The following CNTNAP5 variants were observed in gnomAD, a reference collection of about 807,000 sequenced individuals.
CNTNAP5 encodes the protein contactin associated protein family member 5.
CNTNAP5 carries 72 observed loss-of-function variants against 150.2 expected under a neutral mutation model. The ratio of observed to expected loss-of-function variants is 0.48; its 90% CI spans 0.40 to 0.58. The LOEUF is 0.58. Ranked by LOEUF, CNTNAP5 falls within the 20% of genes least tolerant of loss-of-function variation. The probability of loss-of-function intolerance (pLI) is 0.00; values close to 1 mark genes in which losing one functional copy is unlikely to be tolerated. For synonymous variants in CNTNAP5, 672 were observed against 619.8 expected (o/e 1.08, Z -1.25); for missense variants, 1,636 against 1,626.2 (o/e 1.01, Z -0.10).
intron 1 of CNTNAP5, among the ~76,000 whole-genome samples, chr2:124,075,045 T>C (rs538684884): frequency 2.0e-4 from 30 of 152,166 alleles, no homozygotes; most frequent in African/African-American, 7.0e-4. Context: ...TTTTAAAAAA[T>C]TGATGTCAAA....
chr2:124,347,326 T>C (rs1689761917), intron 3 of CNTNAP5, among the ~76,000 whole-genome samples: 1 of 152,154 alleles, frequency 6.6e-6, no homozygotes, highest in Admixed American at 6.5e-5. Flanking sequence ...TTCCTACCTC[T>C]TCTTCACTGC....
In CNTNAP5 at chr2:124,219,530, A is replaced by G. The variant is rs548161087; in HGVS notation, c.83-2175A>G. Among the ~76,000 whole-genome samples the G allele has an allele frequency of 9.2e-5, 14 of 152,176 alleles. No individual in the cohort carries two copies. The South Asian group carries it at 2.9e-3, about 32-fold the overall frequency. ...AGGATGGTTATATCTACACATCTGG[A>G]TGGATGAGGCTTAGAAGGCTTCTGT... On this transcript the variant is annotated intron_variant, in intron 1 of 23. Coordinates refer to ENST00000682447, the MANE Select transcript of CNTNAP5 (RefSeq NM_001367498.1).
chr2:124,369,827 G>C (rs1690474925), intron 3 of CNTNAP5, among the ~76,000 whole-genome samples: 1 of 152,042 alleles, frequency 6.6e-6, no homozygotes, highest in Non-Finnish European at 1.5e-5. Flanking sequence ...ACCCAGGAAA[G>C]GCAGTTCCCT....
At chr2:124,794,692 G>A (rs1230609963) in intron 18 of CNTNAP5, among the ~76,000 whole-genome samples, 1 of 152,068 alleles carries the variant, frequency 6.6e-6, no homozygotes, top group Non-Finnish European at 1.5e-5. Flanking sequence ...GGACAGGGAA[G>A]AGTTTAAGAA....
chr2:124,433,436 AAG>A (rs1692441839), intron 4 of CNTNAP5, among the ~76,000 whole-genome samples: 1 of 152,226 alleles, frequency 6.6e-6, no homozygotes, highest in Non-Finnish European at 1.5e-5. Flanking sequence ...CAGATTCACA[AAG>A]AGTGTTTCTA....
At chr2:124,410,603 A>G (rs1291732313) in intron 3 of CNTNAP5, among the ~76,000 whole-genome samples, 1 of 148,418 alleles carries the variant, frequency 6.7e-6, no homozygotes, top group Admixed American at 6.8e-5. Flanking sequence ...CTACATGGAA[A>G]CTGAACAACC....
intron 11 of CNTNAP5, among the ~76,000 whole-genome samples, chr2:124,599,959 CTT>C (rs1351009946): frequency 6.7e-6 from 1 of 148,362 alleles, no homozygotes; most frequent in Non-Finnish European, 1.5e-5. Flanking sequence ...AGAACCATGT[CTT>C]TTTTTTTTGC....
intron 11 of CNTNAP5, among the ~76,000 whole-genome samples, chr2:124,577,746 T>G (rs542628908): frequency 6.6e-6 from 1 of 152,208 alleles, no homozygotes; most frequent in East Asian, 1.9e-4. Context: ...AGGGAAGGGA[T>G]GCTGGATAAT....
At chr2:124,809,540 G>T (rs1290197640) in intron 19 of CNTNAP5, among the ~76,000 whole-genome samples, 4 of 151,704 alleles carry the variant, frequency 2.6e-5, no homozygotes, top group Non-Finnish European at 5.9e-5. Context: ...CTGCGTGTCT[G>T]GGAATATAGC....
chr2:124,416,479 C>T (rs72966651), intron 3 of CNTNAP5, among the ~76,000 whole-genome samples: 23,633 of 151,770 alleles, frequency 0.16, 1,962 homozygotes, highest in Non-Finnish European at 0.19. Context: ...AGCTTTTGTG[C>T]TGTGTATTCT....
At position 124,884,783 on chromosome 2, in the gene CNTNAP5, A is replaced by G. The variant is rs767160417; in HGVS notation, c.3436+15021A>G. ...GTGAGCACCCTTGCCTCATCTATCAACATTACTCTCACCTACCTGTAATAA... is the reference window on the plus strand; with the variant it reads ...GTGAGCACCCTTGCCTCATCTATCAGCATTACTCTCACCTACCTGTAATAA... On this transcript the variant is annotated intron_variant, in intron 21 of 23. Coordinates refer to ENST00000682447, the MANE Select transcript of CNTNAP5 (RefSeq NM_001367498.1). Among the ~76,000 whole-genome samples, 15 of 151,976 alleles carry G rather than the reference A, an allele frequency of 9.9e-5. No homozygotes were observed. The South Asian group carries it at 1.2e-3, about 13-fold the overall frequency.
intron 1 of CNTNAP5, among the ~76,000 whole-genome samples, chr2:124,185,104 A>T (rs1685303849): frequency 6.6e-6 from 1 of 152,234 alleles, no homozygotes; most frequent in Non-Finnish European, 1.5e-5. Flanking sequence ...ACAGATAAGG[A>T]TATCTGCACA....
chr2:124,880,363 A>G (rs1323832116), intron 21 of CNTNAP5, among the ~76,000 whole-genome samples: 1 of 152,144 alleles, frequency 6.6e-6, no homozygotes, highest in African/African-American at 2.4e-5. Flanking sequence ...TAGTGAGGAA[A>G]ATAAATAAGT....
At chr2:124,292,291 A>C (rs1688315811) in intron 3 of CNTNAP5, among the ~76,000 whole-genome samples, 1 of 152,162 alleles carries the variant, frequency 6.6e-6, no homozygotes, top group Non-Finnish European at 1.5e-5. Flanking sequence ...CAATTAATGT[A>C]GCACCAAAAG....
intron 7 of CNTNAP5, among the ~76,000 whole-genome samples, chr2:124,478,837 AG>A (rs1693702530): frequency 6.6e-6 from 1 of 152,204 alleles, no homozygotes. Context: ...AGGCAGCAAG[AG>A]TACGGTACTA....
intron 13 of CNTNAP5, among the ~76,000 whole-genome samples, chr2:124,713,165 TCC>T (rs1461179467): frequency 4.4e-5 from 6 of 137,738 alleles, no homozygotes; most frequent in African/African-American, 1.7e-4. Context: ...CCTCCCTCCC[TCC>T]CTCTCTCTTT....
intron 19 of CNTNAP5, among the ~76,000 whole-genome samples, chr2:124,801,856 A>G (rs1391494660): frequency 6.6e-6 from 1 of 152,150 alleles, no homozygotes; most frequent in African/African-American, 2.4e-5. Flanking sequence ...TGAAAATACT[A>G]GTGGGAGTTA....
intron 1 of CNTNAP5, among the ~76,000 whole-genome samples, chr2:124,215,500 A>G (rs573506381): frequency 6.6e-6 from 1 of 152,306 alleles, no homozygotes; most frequent in African/African-American, 2.4e-5. Flanking sequence ...AACTGTATAC[A>G]TATACTGAAG....
At chr2:124,179,691 C>T (rs763212229) in intron 1 of CNTNAP5, among the ~76,000 whole-genome samples, 1 of 152,176 alleles carries the variant, frequency 6.6e-6, no homozygotes, top group African/African-American at 2.4e-5. Context: ...CTGCAAGTTG[C>T]ACGGCATGGA....
Sources: allele counts gnomAD v4.1 joint callset (sites outside exome capture counted in the v4.1 genomes callset), GRCh38; gene constraint gnomAD v4.1.1; transcripts MANE v1.5; gene names NCBI Gene and HGNC (gene_info 2026-07-23, HGNC 2026-07-21).